The following WWOX variants were observed in gnomAD, a reference collection of about 807,000 sequenced individuals.
WWOX encodes the protein WW domain containing oxidoreductase.
In WWOX, 69 loss-of-function variants were observed where a neutral mutation model predicts 46.2. The observed-to-expected ratio is 1.49, with a 90% CI of 1.23 to 1.82. WWOX has a LOEUF of 1.82. Ranked by LOEUF, WWOX falls within the 40% of genes most tolerant of loss-of-function variation. The pLI is 0.00. For missense variants in WWOX, 919 were observed against 542.6 expected (o/e 1.69, Z -6.89); for synonymous variants, 359 against 202.6 (o/e 1.77, Z -6.56).
intron 8 of WWOX, among the ~76,000 whole-genome samples, chr16:79,186,439 C>T (rs146463355): frequency 2.0e-4 from 30 of 152,306 alleles, no homozygotes; most frequent in African/African-American, 7.0e-4. Flanking sequence ...ACCTCTGCGT[C>T]TGTCCTCCCA....
At chr16:78,560,943 C>G (rs1432285810) in intron 8 of WWOX, among the ~76,000 whole-genome samples, 1 of 152,142 alleles carries the variant, frequency 6.6e-6, no homozygotes. Context: ...AACTACAATT[C>G]TCTAGATCAG....
At chr16:78,906,862 C>T (rs994673216) in intron 8 of WWOX, among the ~76,000 whole-genome samples, 1 of 152,192 alleles carries the variant, frequency 6.6e-6, no homozygotes, top group Non-Finnish European at 1.5e-5. Flanking sequence ...ATATGTCAAG[C>T]TTCCTAACTC....
chr16:79,116,612 C>T (rs1224203201), intron 8 of WWOX, among the ~76,000 whole-genome samples: 2 of 152,188 alleles, frequency 1.3e-5, no homozygotes, highest in Non-Finnish European at 1.5e-5. Flanking sequence ...CTACTTCTAA[C>T]TCGAGTTCTC....
At chr16:78,963,662 A>T (rs960419263) in intron 8 of WWOX, among the ~76,000 whole-genome samples, 1 of 152,226 alleles carries the variant, frequency 6.6e-6, no homozygotes, top group Non-Finnish European at 1.5e-5. Context: ...ATTAAGAGCC[A>T]ACATGCATTG....
At chr16:78,557,640 T>G (rs1288721681) in intron 8 of WWOX, among the ~76,000 whole-genome samples, 1 of 151,210 alleles carries the variant, frequency 6.6e-6, no homozygotes, top group Non-Finnish European at 1.5e-5. Flanking sequence ...TGTCTTATTT[T>G]TCATTTTGCC....
chr16:79,128,355 C>T (rs1287006565), intron 8 of WWOX, among the ~76,000 whole-genome samples: 1 of 150,280 alleles, frequency 6.7e-6, no homozygotes, highest in Non-Finnish European at 1.5e-5. Context: ...AAAAATAGGT[C>T]TTAGAAGTGT....
intron 8 of WWOX, among the ~76,000 whole-genome samples, chr16:78,595,997 T>C (rs75774448): frequency 0.014 from 2,154 of 152,330 alleles, 48 homozygotes; most frequent in African/African-American, 0.049. Flanking sequence ...AGACATATAC[T>C]CAGAGTGGGA....
chr16:79,056,472 C>T (rs1033435705), intron 8 of WWOX, among the ~76,000 whole-genome samples: 20 of 152,180 alleles, frequency 1.3e-4, no homozygotes, highest in African/African-American at 4.8e-4. Context: ...TTGCCTGGGA[C>T]AAAGGCATTA....
chr16:78,493,492 C>G (rs1423024562), intron 8 of WWOX, among the ~76,000 whole-genome samples: 2 of 152,192 alleles, frequency 1.3e-5, no homozygotes, highest in African/African-American at 4.8e-5. Context: ...TTTAACAGCA[C>G]AGAAGAGCAA....
chr16:78,854,496 A>T (rs1156578177), intron 8 of WWOX, among the ~76,000 whole-genome samples: 1 of 152,218 alleles, frequency 6.6e-6, no homozygotes, highest in Non-Finnish European at 1.5e-5. Context: ...ACTTCTGCCT[A>T]TGCATCCCTC....
chr16:78,358,843 T>G (rs183780273), intron 5 of WWOX, among the ~76,000 whole-genome samples: 1 of 149,240 alleles, frequency 6.7e-6, no homozygotes, highest in Non-Finnish European at 1.5e-5. Context: ...ATATATTTCA[T>G]AAAGTTGAAA....
intron 8 of WWOX, among the ~76,000 whole-genome samples, chr16:79,088,975 A>G (rs551731616): frequency 6.6e-6 from 1 of 152,208 alleles, no homozygotes; most frequent in African/African-American, 2.4e-5. Context: ...GAGGGAGTAT[A>G]GGATGAACTC....
At chr16:79,107,193 C>T (rs965166464) in intron 8 of WWOX, among the ~76,000 whole-genome samples, 9 of 148,356 alleles carry the variant, frequency 6.1e-5, no homozygotes, top group Admixed American at 2.0e-4. Context: ...CGCCCTTCTC[C>T]GCCTCCCAAA....
At chr16:78,962,232 C>T (rs1395445297) in intron 8 of WWOX, among the ~76,000 whole-genome samples, 10 of 142,166 alleles carry the variant, frequency 7.0e-5, no homozygotes, top group African/African-American at 2.3e-4. Context: ...GTGGAGGTGG[C>T]TTCTTTTTTC....
At chr16:78,450,516 C>G (rs1049390679) in intron 8 of WWOX, among the ~76,000 whole-genome samples, 1 of 151,346 alleles carries the variant, frequency 6.6e-6, no homozygotes, top group African/African-American at 2.4e-5. Flanking sequence ...TTGCCGGATC[C>G]AAAAAAAATA....
intron 8 of WWOX, among the ~76,000 whole-genome samples, chr16:78,906,903 C>G (rs61305399): frequency 6.6e-6 from 1 of 151,874 alleles, no homozygotes; most frequent in African/African-American, 2.4e-5. Context: ...GTGTGTGTGT[C>G]TGTGAATAAA....
intron 8 of WWOX, among the ~76,000 whole-genome samples, chr16:78,550,374 A>G (rs2044145258): frequency 6.6e-6 from 1 of 152,186 alleles, no homozygotes; most frequent in Non-Finnish European, 1.5e-5. Flanking sequence ...GCATTAGTGA[A>G]AGCACATAGA....
intron 8 of WWOX, among the ~76,000 whole-genome samples, chr16:78,669,935 A>G (rs899556194): frequency 1.3e-5 from 2 of 152,230 alleles, no homozygotes; most frequent in South Asian, 4.1e-4. Flanking sequence ...TCTTATTAAT[A>G]GAACAAGTCC....
chr16:79,032,681 T>TATAC (rs1597304779), intron 8 of WWOX, among the ~76,000 whole-genome samples: 1 of 139,106 alleles, frequency 7.2e-6, no homozygotes, highest in Non-Finnish European at 1.5e-5. Flanking sequence ...TATATATATA[T>TATAC]ACACACACAC....
Sources: allele counts gnomAD v4.1 joint callset (sites outside exome capture counted in the v4.1 genomes callset), GRCh38; gene constraint gnomAD v4.1.1; transcripts MANE v1.5; gene names NCBI Gene and HGNC (gene_info 2026-07-23, HGNC 2026-07-21).